Variants in RGPD4 observed in about 807,000 individuals in gnomAD.
RGPD4 encodes ranBP2-like and GRIP domain-containing protein 4.
RGPD4 carries 84 observed loss-of-function variants against 141.1 expected under a neutral mutation model. That is an observed-to-expected ratio of 0.60 (90% confidence interval 0.50 to 0.71). The LOEUF is 0.71. Ranked by LOEUF, RGPD4 falls within the 30% of genes least tolerant of loss-of-function variation. RGPD4 has a pLI of 0.00. For missense variants in RGPD4, 918 were observed against 1,622.4 expected (o/e 0.57, Z 7.46); for synonymous variants, 298 against 566.8 (o/e 0.53, Z 6.74).
At chr2:107,880,492 T>A (rs1486660493) in intron 21 of RGPD4, among the ~76,000 whole-genome samples, 1 of 151,678 alleles carries the variant, frequency 6.6e-6, no homozygotes, top group Admixed American at 6.6e-5. Context: ...CTCGATCTCC[T>A]GACCTCATGA....
At chr2:107,885,838 A>C (rs1036479411) in intron 22 of RGPD4, among the ~76,000 whole-genome samples, 3 of 151,904 alleles carry the variant, frequency 2.0e-5, no homozygotes, top group Non-Finnish European at 4.4e-5. Flanking sequence ...AGATCACCTG[A>C]GGTCAGGAGT....
Position 107,870,825 on chromosome 2 carries a change from C to T in RGPD4, c.2821C>T (p.Leu941Phe). ...TCAAGAAAAGGAAAGTGAAAAGCCT[C>T]TTGAAAATGATACTGGCTTCCAGGC... ...GNQEKESEKPLENDTGFQAQD... is the reference protein window; with the variant it reads ...GNQEKESEKPFENDTGFQAQD... The change falls in exon 20 of 23, where the codon CTT becomes TTT. Residue 941 changes from leucine to phenylalanine, a missense_variant. By Grantham distance (22) the Leu-to-Phe change is conservative (BLOSUM62 0). Coordinates refer to ENST00000408999, the MANE Select transcript of RGPD4 (RefSeq NM_182588.3). The T allele has an allele frequency of 1.2e-6, 2 of 1,609,288 alleles. No homozygotes were observed. The highest frequency in any genetic ancestry group is 1.3e-5 in the African/African-American group (1 of 74,402).
intron 1 of RGPD4, among the ~76,000 whole-genome samples, chr2:107,827,605 G>C (rs1573451556): frequency 1.6e-5 from 1 of 61,718 alleles, no homozygotes; most frequent in Non-Finnish European, 3.3e-5. Context: ...CTGGCCCGGC[G>C]GCGGCCTCGA....
intron 22 of RGPD4, among the ~76,000 whole-genome samples, chr2:107,883,480 A>C (rs1172887890): frequency 6.6e-6 from 1 of 151,250 alleles, no homozygotes; most frequent in Non-Finnish European, 1.5e-5. Flanking sequence ...AAATACAAAA[A>C]TTAGCTGGAC....
chr2:107,859,476 C>T lies in RGPD4; in HGVS notation c.1556C>T (p.Pro519Leu), dbSNP rs553760069. 13 of 1,611,268 alleles carry T rather than the reference C, an allele frequency of 8.1e-6. No individual in the cohort carries two copies. The Admixed American group carries it at 1.5e-4, about 19-fold the overall frequency. ...SSYQPLCLPL[P>L]VCKQLCTERQ... ...TATCAGCCGTTATGCCTGCCCCTTC[C>T]TGTATGTAAACAGCTTTGTACAGAA... Residue 519 changes from proline to leucine, a missense_variant, in exon 11 of 23, where the codon CCT becomes CTT. Physicochemically the swap from Pro to Leu is moderately conservative, Grantham distance 98 (BLOSUM62 -3). Transcript: ENST00000408999.
At chr2:107,840,937 G>A (rs2104416268) in intron 4 of RGPD4, among the ~76,000 whole-genome samples, 2 of 68,724 alleles carry the variant, frequency 2.9e-5, no homozygotes, top group East Asian at 4.8e-4. Flanking sequence ...ACTTTTGAGG[G>A]GCATTTTGGT....
At chr2:107,883,604 C>T (rs1439909937) in intron 22 of RGPD4, among the ~76,000 whole-genome samples, 8 of 133,932 alleles carry the variant, frequency 6.0e-5, no homozygotes, top group Admixed American at 1.5e-4. Flanking sequence ...TCCAGCCTGA[C>T]GGCAGAGCGA....
At chr2:107,857,590 G>T (rs1335083493) in intron 9 of RGPD4, among the ~76,000 whole-genome samples, 1 of 151,520 alleles carries the variant, frequency 6.6e-6, no homozygotes, top group East Asian at 1.9e-4. Flanking sequence ...ATGCCACTCG[G>T]CCCAGATAAT....
At position 107,873,589 on chromosome 2, in the gene RGPD4, A is replaced by G. The variant is rs866049091; in HGVS notation, c.4924+661A>G. ...ACTTTGTCTCCAAAAAAAAAAAAAA[A>G]AAAAAAAAAAATATGATATTGAGAT... On this transcript the variant is annotated intron_variant, in intron 20 of 22. Coordinates refer to ENST00000408999, the MANE Select transcript of RGPD4 (RefSeq NM_182588.3). Among the ~76,000 whole-genome samples, 5 of 123,746 alleles carry G rather than the reference A, an allele frequency of 4.0e-5. No homozygotes were observed. In the South Asian group the frequency reaches 1.2e-3, roughly 29 times the overall value. 81.2% of individuals were successfully genotyped at this position (123,746 alleles called of 152,430 possible).
chr2:107,833,716 T>C (rs1482431290), intron 1 of RGPD4, among the ~76,000 whole-genome samples: 1 of 151,746 alleles, frequency 6.6e-6, no homozygotes, highest in Non-Finnish European at 1.5e-5. Context: ...GTTTTGGCAT[T>C]GTACCTTGAA....
chr2:107,886,442 T>C (rs1253216480), intron 22 of RGPD4, among the ~76,000 whole-genome samples: 1 of 139,862 alleles, frequency 7.1e-6, no homozygotes, highest in African/African-American at 2.8e-5. Flanking sequence ...TGTAATACTA[T>C]CTCATGTACT....
intron 6 of RGPD4, among the ~76,000 whole-genome samples, chr2:107,846,172 T>C (rs1376275666): frequency 4.7e-5 from 7 of 148,328 alleles, no homozygotes; most frequent in African/African-American, 1.8e-4. Context: ...GTGATCCGCC[T>C]GCCTCAGCCT....
Position 107,859,530 on chromosome 2 carries a change from G to A in RGPD4, c.1610G>A (p.Cys537Tyr), listed in dbSNP as rs779626810. 5.6e-6 allele frequency: 9 copies of A among 1,611,390 alleles called. 1 individual carries two copies. In the African/African-American group the frequency reaches 6.7e-5, roughly 12 times the overall value. Residue 537 changes from cysteine (C) to tyrosine (Y), a missense_variant, in exon 11 of 23, where the codon TGT becomes TAT. Coordinates refer to ENST00000408999, the MANE Select transcript of RGPD4 (RefSeq NM_182588.3). ...CAAAAATCTTGGTGGGATGCGGTTT[G>A]TACTCTGATTCACAGAAAAGCAGTG... ...ERQKSWWDAV[C>Y]TLIHRKAVPG...
chr2:107,854,670 T>A, intron 8 of RGPD4, 27 bp downstream of exon 8: 3 of 1,422,618 alleles, frequency 2.1e-6, no homozygotes, highest in Non-Finnish European at 2.9e-6. Context: ...ACTAATTTAA[T>A]TTAAAAAGAA....
At chr2:107,829,770 C>G (rs1025767772) in intron 1 of RGPD4, among the ~76,000 whole-genome samples, 4 of 151,992 alleles carry the variant, frequency 2.6e-5, no homozygotes, top group East Asian at 1.9e-4. Flanking sequence ...CGACGGTGCT[C>G]GCTCCTGGGC....
At chr2:107,883,364 G>T (rs1047242104) in intron 22 of RGPD4, among the ~76,000 whole-genome samples, 2 of 151,552 alleles carry the variant, frequency 1.3e-5, no homozygotes, top group Non-Finnish European at 2.9e-5. Context: ...GGCGCTGGTG[G>T]TTCATGCCTA....
At chr2:107,866,956 T>C (rs1473036851) in intron 18 of RGPD4, among the ~76,000 whole-genome samples, 1 of 149,880 alleles carries the variant, frequency 6.7e-6, no homozygotes, top group East Asian at 2.0e-4. Context: ...TGAACTAAGG[T>C]TACTAATAGT....
rs1675668599 is a variant in RGPD4 at position 107,891,958 on chromosome 2, G to A, written c.*1227G>A. Among the ~76,000 whole-genome samples the A allele has an allele frequency of 9.2e-6, 1 of 108,648 alleles. No individual in the cohort carries two copies. The highest frequency in any genetic ancestry group is 8.9e-5 in the Admixed American group (1 of 11,176). 71.3% of individuals were successfully genotyped at this position (108,648 alleles called of 152,430 possible). On this transcript the variant is annotated 3_prime_UTR_variant, in exon 23 of 23. Transcript: ENST00000408999. ...GTTTTAATGACTAGATCCAAACTGT[G>A]TTGTTCTTAAATCAAAAATTGGATA... is the stretch of plus-strand genomic sequence containing the variant.
chr2:107,854,054 CTTTT>C (rs1052579812), intron 7 of RGPD4, among the ~76,000 whole-genome samples: 5 of 125,898 alleles, frequency 4.0e-5, no homozygotes, highest in African/African-American at 3.3e-5. Flanking sequence ...TGGCCCCTCT[CTTTT>C]TTTTTTTTTT....
Sources: gnomAD v4.1 joint callset for allele counts (sites outside exome capture counted in the v4.1 genomes callset) on GRCh38, gnomAD v4.1.1 for gene constraint, MANE v1.5 for transcripts, NCBI Gene and HGNC (gene_info 2026-07-23, HGNC 2026-07-21) for gene names.